Variants in UVSSA observed in about 807,000 individuals in gnomAD.
UVSSA encodes UV-stimulated scaffold protein A.
Under a neutral mutation model 73.9 loss-of-function variants are expected in UVSSA, and 72 were observed. That is an observed-to-expected ratio of 0.97 (90% confidence interval 0.81 to 1.19). UVSSA has a LOEUF of 1.19. UVSSA is among the 50% of genes most tolerant of loss of function. The pLI is 0.00. For missense variants in UVSSA, 1,150 were observed against 965.0 expected (o/e 1.19, Z -2.54); for synonymous variants, 454 against 391.3 (o/e 1.16, Z -1.89).
upstream of UVSSA, among the ~76,000 whole-genome samples, chr4:1,346,278 A>G (rs995913207): frequency 1.3e-5 from 2 of 152,036 alleles, no homozygotes; most frequent in African/African-American, 4.8e-5. Flanking sequence ...CGAAAAAGAA[A>G]CCCCGGCCCG....
At chr4:1,369,200 T>A (rs1382879957) in intron 8 of UVSSA, among the ~76,000 whole-genome samples, 1 of 152,236 alleles carries the variant, frequency 6.6e-6, no homozygotes, top group Non-Finnish European at 1.5e-5. Context: ...TTGGCGGCCT[T>A]GCTGGGAGTC....
At chr4:1,350,041 C>T (rs1246073241) in intron 3 of UVSSA, among the ~76,000 whole-genome samples, 187 bp downstream of exon 3, 2 of 152,170 alleles carry the variant, frequency 1.3e-5, no homozygotes, top group Non-Finnish European at 2.9e-5. Context: ...AGGGTCACGG[C>T]CTCCCTGAGA....
rs536939438 is a variant in UVSSA at position 1,387,687 on chromosome 4, G to A, written c.*1726G>A. 5 of 152,244 alleles carry A rather than the reference G, an allele frequency of 3.3e-5. No individual in the cohort carries two copies. The East Asian group carries it at 7.7e-4, about 23-fold the overall frequency. The allele number at this position is 152,244 out of a possible 1,614,324, so 9.4% of individuals were successfully genotyped here. A position where few individuals can be genotyped will look rare whatever the true frequency, so the allele number is the denominator to read the frequency against. ...ATATCCAGTTGTCCCAGCACCATTT[G>A]TTGAAAACATTATTTTTCCCCATTG... On this transcript the variant is annotated 3_prime_UTR_variant, in exon 14 of 14. Coordinates refer to ENST00000389851, the MANE Select transcript of UVSSA (RefSeq NM_020894.4).
intron 8 of UVSSA, among the ~76,000 whole-genome samples, chr4:1,372,087 C>G (rs1240498018): frequency 6.6e-6 from 1 of 152,218 alleles, no homozygotes; most frequent in Non-Finnish European, 1.5e-5. Flanking sequence ...CTATTTTTTA[C>G]TTAAAATCCA....
chr4:1,346,123 G>T (rs1430563940), upstream of UVSSA, among the ~76,000 whole-genome samples: 3 of 152,214 alleles, frequency 2.0e-5, no homozygotes, highest in Non-Finnish European at 4.4e-5. Context: ...GAGAGGGGCG[G>T]CGCAGGGAGT....
At chr4:1,355,272 G>C (rs773687053) in intron 7 of UVSSA, 27 bp downstream of exon 7, 3 of 1,593,312 alleles carry the variant, frequency 1.9e-6, no homozygotes, top group East Asian at 4.5e-5. Context: ...CGAGCGGGAA[G>C]GGGTCCCAGA....
At chr4:1,363,330 AC>A (rs1193161760) in intron 7 of UVSSA, among the ~76,000 whole-genome samples, 2 of 152,198 alleles carry the variant, frequency 1.3e-5, no homozygotes, top group Admixed American at 6.5e-5. Context: ...AAATTTAGTC[AC>A]AGAAATGAAC....
In UVSSA at chr4:1,347,685, C is replaced by T. The variant is rs1303630786; in HGVS notation, c.-78C>T. 29 of 166,938 alleles carry T rather than the reference C, an allele frequency of 1.7e-4. No homozygotes were observed. The highest frequency in any genetic ancestry group is 1.2e-4 in the South Asian group (1 of 8,036). 10.3% of individuals were successfully genotyped at this position (166,938 alleles called of 1,614,324 possible). On this transcript the variant is annotated 5_prime_UTR_variant, in exon 1 of 14. Coordinates refer to ENST00000389851, the MANE Select transcript of UVSSA (RefSeq NM_020894.4). ...GGCCGCCCCTGCTCTCCGGACGCGA[C>T]TTTTCATTGGTCTCAGAATTTCTTG...
upstream of UVSSA, among the ~76,000 whole-genome samples, chr4:1,345,920 G>C (rs1476449182): frequency 6.6e-6 from 1 of 152,154 alleles, no homozygotes; most frequent in Non-Finnish European, 1.5e-5. Context: ...TGCTGGATGG[G>C]TGCCTTGGAG....
intron 10 of UVSSA, among the ~76,000 whole-genome samples, chr4:1,378,122 G>A (rs1466126269): frequency 6.6e-6 from 1 of 152,192 alleles, no homozygotes. Context: ...GCCTGGGCTC[G>A]CCCCTTTCAT....
chr4:1,368,749 C>T (rs1303823488), intron 8 of UVSSA, among the ~76,000 whole-genome samples: 2 of 152,266 alleles, frequency 1.3e-5, no homozygotes, highest in African/African-American at 4.8e-5. Flanking sequence ...GTGAAGGCAC[C>T]TCCAGATGTG....
intron 8 of UVSSA, among the ~76,000 whole-genome samples, chr4:1,374,722 A>G (rs1214888483): frequency 6.6e-6 from 1 of 152,188 alleles, no homozygotes; most frequent in African/African-American, 2.4e-5. Context: ...ACCTTGGTCC[A>G]GTGGCCCCTG....
chr4:1,366,115 G>A, intron 7 of UVSSA: 1 of 486,134 alleles, frequency 2.1e-6, no homozygotes, highest in Non-Finnish European at 3.7e-6. Flanking sequence ...CCCAGCACAG[G>A]GGCAGTGCAG....
chr4:1,366,187 G>A (rs573582384), intron 7 of UVSSA, 133 bp from the exon 8 acceptor site: 7 of 702,360 alleles, frequency 1.0e-5, no homozygotes, highest in East Asian at 5.1e-5. Context: ...CAGTCCAACC[G>A]TGGCTGATGT....
chr4:1,366,140 T>TG (rs1433469395), intron 7 of UVSSA, 180 bp from the exon 8 acceptor site: 2 of 566,242 alleles, frequency 3.5e-6, no homozygotes, highest in African/African-American at 3.8e-5. Flanking sequence ...GGTGTGATTT[T>TG]GGGGAACAAG....
upstream of UVSSA, among the ~76,000 whole-genome samples, chr4:1,345,125 G>A (rs1713572417): frequency 6.6e-6 from 1 of 152,138 alleles, no homozygotes; most frequent in African/African-American, 2.4e-5. Context: ...GATGGTCTAG[G>A]GGTACCAGGG....
upstream of UVSSA, among the ~76,000 whole-genome samples, chr4:1,346,027 G>A (rs1713640864): frequency 6.6e-6 from 1 of 152,142 alleles, no homozygotes; most frequent in Non-Finnish European, 1.5e-5. Context: ...GGGTGAGGAA[G>A]GGGTGAGGCG....
intron 13 of UVSSA, 38 bp downstream of exon 13, chr4:1,383,978 C>A (rs902938364): frequency 1.3e-6 from 2 of 1,584,196 alleles, no homozygotes; most frequent in Non-Finnish European, 1.7e-6. Context: ...ACCGCGTGGC[C>A]CCCCCGTGTG....
At chr4:1,351,995 G>T (rs888284460) in intron 4 of UVSSA, among the ~76,000 whole-genome samples, 160 bp downstream of exon 4, 14 of 152,226 alleles carry the variant, frequency 9.2e-5, no homozygotes, top group Admixed American at 6.5e-5. Context: ...GTTCTTAGCC[G>T]TAGGCCTCCC....
Sources: gnomAD v4.1 joint callset for allele counts (sites outside exome capture counted in the v4.1 genomes callset) on GRCh38, gnomAD v4.1.1 for gene constraint, MANE v1.5 for transcripts, NCBI Gene and HGNC (gene_info 2026-07-23, HGNC 2026-07-21) for gene names.